ATXN1: variants seen among roughly 807,000 people sequenced by gnomAD.
ATXN1 encodes ataxin-1.
A neutral mutation model predicts 56.4 loss-of-function variants in ATXN1; 8 were observed. The observed-to-expected ratio is 0.14, with a 90% CI of 0.08 to 0.26. The LOEUF (loss-of-function observed/expected upper bound fraction) is 0.26. Among genes scored for constraint, ATXN1 ranks in the 10% least tolerant of loss-of-function variants. ATXN1 has a pLI of 1.00. For missense variants in ATXN1, 987 were observed against 1,106.5 expected, an observed-to-expected ratio of 0.89 and a Z score of 1.53; for synonymous variants, 514 against 494.6, an observed-to-expected ratio of 1.04 and a Z score of -0.52.
At chr6:16,486,455 G>C (rs1225580338) in intron 5 of ATXN1, among the ~76,000 whole-genome samples, 2 of 152,124 alleles carry the variant, frequency 1.3e-5, no homozygotes, top group Non-Finnish European at 2.9e-5. Context: ...TATCTTACTG[G>C]GTCATGGAGA....
At chr6:16,405,030 CT>C (rs1758658260) in intron 6 of ATXN1, among the ~76,000 whole-genome samples, 1 of 152,214 alleles carries the variant, frequency 6.6e-6, no homozygotes, top group African/African-American at 2.4e-5. Context: ...GCAAGACTTT[CT>C]CATTTGGGTC....
chr6:16,496,706 T>G (rs1760787525), intron 5 of ATXN1, among the ~76,000 whole-genome samples: 1 of 152,190 alleles, frequency 6.6e-6, no homozygotes, highest in Non-Finnish European at 1.5e-5. Context: ...GATGATCGCG[T>G]TTCATTAAAA....
chr6:16,341,931 G>C (rs1456104156), intron 6 of ATXN1, among the ~76,000 whole-genome samples: 1 of 142,966 alleles, frequency 7.0e-6, no homozygotes, highest in African/African-American at 2.7e-5. Context: ...ACCCAGGCTG[G>C]TGTGCAATGG....
intron 3 of ATXN1, among the ~76,000 whole-genome samples, chr6:16,629,870 T>C (rs1763474144): frequency 6.7e-6 from 1 of 149,304 alleles, no homozygotes; most frequent in African/African-American, 2.5e-5. Context: ...TGAGCCGAGA[T>C]CACACCACTG....
intron 5 of ATXN1, among the ~76,000 whole-genome samples, chr6:16,488,312 T>A (rs948408579): frequency 1.3e-5 from 2 of 152,238 alleles, no homozygotes; most frequent in Admixed American, 1.3e-4. Context: ...ACATTACTTG[T>A]AGACTTCTGA....
At chr6:16,590,730 T>A (rs930452130) in intron 3 of ATXN1, among the ~76,000 whole-genome samples, 4 of 152,030 alleles carry the variant, frequency 2.6e-5, no homozygotes, top group Non-Finnish European at 5.9e-5. Flanking sequence ...AGTGCAGTGG[T>A]GTGATGACAG....
chr6:16,401,208 G>A (rs370094044), intron 6 of ATXN1, among the ~76,000 whole-genome samples: 4 of 152,182 alleles, frequency 2.6e-5, no homozygotes, highest in South Asian at 2.1e-4. Flanking sequence ...TGGTTGTAGC[G>A]AGGGTTGGCA....
At chr6:16,504,993 C>CTTTTTTTTTTTTTTTTTTTTTTTTTT (rs34197922) in intron 5 of ATXN1, among the ~76,000 whole-genome samples, 1 of 135,318 alleles carries the variant, frequency 7.4e-6, no homozygotes, top group African/African-American at 2.9e-5. Context: ...CTCCTGTTTC[C>CTTTTTTTTTTTTTTTTTTTTTTTTTT]TTTTTTTTTT....
intron 6 of ATXN1, among the ~76,000 whole-genome samples, chr6:16,368,590 A>G (rs111831951): frequency 0.01 from 1,583 of 152,294 alleles, 36 homozygotes; most frequent in African/African-American, 0.035. Context: ...TATCTGCTAA[A>G]TGAATACGGT....
intron 3 of ATXN1, among the ~76,000 whole-genome samples, chr6:16,622,365 CATGGTGGTG>C (rs1763333789): frequency 6.6e-6 from 1 of 151,988 alleles, no homozygotes; most frequent in Non-Finnish European, 1.5e-5. Context: ...TGATGATGAC[CATGGTGGTG>C]GTGGTGGTGG....
At chr6:16,334,019 C>T (rs951065303) in intron 6 of ATXN1, among the ~76,000 whole-genome samples, 3 of 152,174 alleles carry the variant, frequency 2.0e-5, no homozygotes, top group African/African-American at 7.2e-5. Flanking sequence ...TCATCAAACA[C>T]TCATTCCGTT....
chr6:16,751,588 T>TAA (rs60506317), intron 2 of ATXN1, among the ~76,000 whole-genome samples: 1 of 147,734 alleles, frequency 6.8e-6, no homozygotes, highest in Non-Finnish European at 1.5e-5. Flanking sequence ...TACAACAATC[T>TAA]AAAAAAAAAA....
intron 2 of ATXN1, chr6:16,749,853 T>A (rs1005534155): frequency 6.6e-6 from 1 of 152,280 alleles, no homozygotes; most frequent in Admixed American, 6.5e-5. Flanking sequence ...CCTCCAAATT[T>A]ATCTTCAGAC....
chr6:16,504,066 A>G (rs1621091), intron 5 of ATXN1, among the ~76,000 whole-genome samples: 53,248 of 152,000 alleles, frequency 0.35, 9,929 homozygotes, highest in South Asian at 0.59. Context: ...CCCACCTGCT[A>G]TATATCTTGT....
chr6:16,673,160 T>C (rs1758583055), intron 2 of ATXN1, among the ~76,000 whole-genome samples: 1 of 140,888 alleles, frequency 7.1e-6, no homozygotes, highest in Non-Finnish European at 1.5e-5. Flanking sequence ...ATTTCTGACC[T>C]GCAGAACTGT....
At chr6:16,331,033 C>A (rs943094173) in intron 6 of ATXN1, among the ~76,000 whole-genome samples, 4 of 152,144 alleles carry the variant, frequency 2.6e-5, no homozygotes, top group Admixed American at 1.3e-4. Context: ...TGGAGTCTCA[C>A]TCTGTCGCCC....
chr6:16,688,932 T>C (rs948779159), intron 2 of ATXN1, among the ~76,000 whole-genome samples: 1 of 152,150 alleles, frequency 6.6e-6, no homozygotes, highest in Non-Finnish European at 1.5e-5. Flanking sequence ...GAGATGCATG[T>C]GTGTGTATGT....
intron 6 of ATXN1, among the ~76,000 whole-genome samples, chr6:16,420,131 T>C (rs1317614120): frequency 6.6e-6 from 1 of 152,222 alleles, no homozygotes; most frequent in East Asian, 1.9e-4. Context: ...ATGCAAATTA[T>C]GTAAATCCTC....
intron 2 of ATXN1, among the ~76,000 whole-genome samples, chr6:16,673,614 G>A (rs555826030): frequency 6.6e-6 from 1 of 152,226 alleles, no homozygotes; most frequent in Admixed American, 6.5e-5. Flanking sequence ...TGCATTGTAG[G>A]ATATGATATT....
Sources: gnomAD v4.1 joint callset for allele counts (sites outside exome capture counted in the v4.1 genomes callset) on GRCh38, gnomAD v4.1.1 for gene constraint, MANE v1.5 for transcripts, NCBI Gene and HGNC (gene_info 2026-07-23, HGNC 2026-07-21) for gene names.